RNGTT: variants seen among roughly 807,000 people sequenced by gnomAD.
RNGTT encodes the protein mRNA-capping enzyme.
Under a neutral mutation model 79.3 loss-of-function variants are expected in RNGTT, and 33 were observed. The ratio of observed to expected loss-of-function variants is 0.42; its 90% CI spans 0.32 to 0.56. The LOEUF is 0.56. RNGTT is among the 20% of genes least tolerant of loss of function. The pLI is 0.17. For missense variants in RNGTT, 497 were observed against 739.1 expected, an observed-to-expected ratio of 0.67 and a Z score of 3.80; for synonymous variants, 222 against 235.9, an observed-to-expected ratio of 0.94 and a Z score of 0.54.
rs536057060 is a variant in RNGTT at position 88,846,954 on chromosome 6, T to C, written c.1105-2433A>G. On this transcript the variant is annotated intron_variant, in intron 10 of 15. Coordinates refer to ENST00000369485, the MANE Select transcript of RNGTT (RefSeq NM_003800.5). ...CTTTTATATACCTTTGTTATGTTTA[T>C]GATTTTAAAGTTATAATTATTTCTT... is the stretch of plus-strand genomic sequence containing the variant. Among the ~76,000 whole-genome samples, 30 of 152,322 alleles carry C rather than the reference T, an allele frequency of 2.0e-4. 1 individual carries two copies. Among genetic ancestry groups the C allele is most frequent in the Admixed American group, 1.6e-3 (25 of 15,302 alleles).
chr6:88,963,528 A>G lies in RNGTT; in HGVS notation c.-119T>C, dbSNP rs964605777. 5.4e-6 allele frequency: 5 copies of G among 926,054 alleles called. No individual in the cohort carries two copies. The African/African-American group carries it at 6.9e-5, about 13-fold the overall frequency. 57.4% of individuals were successfully genotyped at this position (926,054 alleles called of 1,614,324 possible). On this transcript the variant is annotated 5_prime_UTR_variant, in exon 1 of 16. Coordinates refer to ENST00000369485, the MANE Select transcript of RNGTT (RefSeq NM_003800.5). ...ACACCCGAATCGCAGCCGTAATCTG[A>G]ATTCCAACCTCTCCGATCCGGGTAA...
At chr6:88,930,410 C>T (rs1784482216) in intron 2 of RNGTT, among the ~76,000 whole-genome samples, 1 of 151,790 alleles carries the variant, frequency 6.6e-6, no homozygotes, top group African/African-American at 2.4e-5. Context: ...TGGCTCACGC[C>T]TGTAATCTTG....
intron 8 of RNGTT, among the ~76,000 whole-genome samples, chr6:88,856,018 A>G (rs17503919): frequency 0.093 from 14,231 of 152,318 alleles, 829 homozygotes; most frequent in Middle Eastern, 0.16. Context: ...GGCATTTTGC[A>G]AAGCTGATAT....
intron 8 of RNGTT, among the ~76,000 whole-genome samples, chr6:88,880,549 T>C (rs1782664522): frequency 1.3e-5 from 2 of 152,114 alleles, no homozygotes; most frequent in South Asian, 4.1e-4. Flanking sequence ...TATGTAAAAA[T>C]TGCAACCATA....
rs116188609 is a variant in RNGTT at position 88,735,111 on chromosome 6, G to C, written c.1439+34663C>G. 8.8e-3 allele frequency among the ~76,000 whole-genome samples: 1,338 copies of C among 152,066 alleles called. 20 individuals carry two copies. Among genetic ancestry groups the C allele is most frequent in the African/African-American group, 0.03 (1,255 of 41,508 alleles). On this transcript the variant is annotated intron_variant, in intron 13 of 15. Transcript: ENST00000369485. The stretch of plus-strand genomic sequence containing the variant: ...GTGGAGTATTACTTAATGATAAACG[G>C]GTCAATTCTCCAAGAAGACATAACA...
At chr6:88,724,210 A>T (rs564374198) in intron 13 of RNGTT, among the ~76,000 whole-genome samples, 108 of 152,280 alleles carry the variant, frequency 7.1e-4, no homozygotes, top group Middle Eastern at 3.4e-3. Context: ...GTATGTAGTA[A>T]TGTCATAGGC....
chr6:88,703,997 C>A (rs766061522), intron 13 of RNGTT, among the ~76,000 whole-genome samples: 2 of 152,180 alleles, frequency 1.3e-5, no homozygotes, highest in East Asian at 3.9e-4. Context: ...CGGTGGCTCA[C>A]GCCTGTAATC....
At chr6:88,783,468 A>C (rs1280537087) in intron 12 of RNGTT, among the ~76,000 whole-genome samples, 2 of 152,154 alleles carry the variant, frequency 1.3e-5, no homozygotes, top group African/African-American at 4.8e-5. Context: ...AATTAGCTGG[A>C]ATGTAGTGAT....
intron 14 of RNGTT, among the ~76,000 whole-genome samples, chr6:88,655,646 C>T (rs568343117): frequency 6.6e-6 from 1 of 152,268 alleles, no homozygotes; most frequent in East Asian, 1.9e-4. Context: ...TCCTTACTTT[C>T]CACATATGGT....
At chr6:88,930,388 G>A (rs1784481606) in intron 2 of RNGTT, among the ~76,000 whole-genome samples, 1 of 151,872 alleles carries the variant, frequency 6.6e-6, no homozygotes, top group Non-Finnish European at 1.5e-5. Flanking sequence ...CGGGAAATTT[G>A]GCCAGACACA....
At chr6:88,741,232 T>C (rs1582405425) in intron 13 of RNGTT, among the ~76,000 whole-genome samples, 1 of 152,074 alleles carries the variant, frequency 6.6e-6, no homozygotes, top group African/African-American at 2.4e-5. Flanking sequence ...AAAGAAAATG[T>C]GGTACACATA....
At chr6:88,748,079 A>T (rs1358641588) in intron 13 of RNGTT, among the ~76,000 whole-genome samples, 1 of 152,176 alleles carries the variant, frequency 6.6e-6, no homozygotes, top group African/African-American at 2.4e-5. Context: ...TACTAATGTT[A>T]CCATCCTAGT....
intron 13 of RNGTT, 32 bp from the exon 14 acceptor site, chr6:88,678,451 T>C: frequency 4.5e-6 from 6 of 1,324,940 alleles, no homozygotes; most frequent in Non-Finnish European, 5.9e-6. Context: ...ATTTATAAAA[T>C]ACTCCTTCTT....
chr6:88,761,189 T>C (rs1466114110), intron 13 of RNGTT, among the ~76,000 whole-genome samples: 1 of 152,016 alleles, frequency 6.6e-6, no homozygotes, highest in Non-Finnish European at 1.5e-5. Flanking sequence ...CTTACCTGGT[T>C]AACAAACCAG....
At chr6:88,934,666 G>C (rs1198622563) in intron 2 of RNGTT, among the ~76,000 whole-genome samples, 1 of 151,980 alleles carries the variant, frequency 6.6e-6, no homozygotes, top group Non-Finnish European at 1.5e-5. Flanking sequence ...TTTTGAAACA[G>C]AGTCTCACTC....
chr6:88,781,132 C>T (rs1201024225), intron 12 of RNGTT, among the ~76,000 whole-genome samples: 2 of 152,266 alleles, frequency 1.3e-5, no homozygotes, highest in South Asian at 4.2e-4. Flanking sequence ...GCATTAGTAA[C>T]GGCAAAGGAG....
intron 8 of RNGTT, among the ~76,000 whole-genome samples, chr6:88,874,407 A>C (rs1474025730): frequency 6.6e-6 from 1 of 152,130 alleles, no homozygotes; most frequent in Admixed American, 6.5e-5. Flanking sequence ...AAAAGATCAA[A>C]AGAATTTTCC....
intron 11 of RNGTT, among the ~76,000 whole-genome samples, chr6:88,842,774 T>C (rs1416068134): frequency 6.6e-6 from 1 of 152,000 alleles, no homozygotes; most frequent in African/African-American, 2.4e-5. Context: ...TTTAACTACA[T>C]AAAAATGAAC....
At chr6:88,878,198 C>T (rs146960731) in intron 8 of RNGTT, among the ~76,000 whole-genome samples, 3,067 of 152,000 alleles carry the variant, frequency 0.02, 106 homozygotes, top group African/African-American at 0.068. Flanking sequence ...CGGGTCCAAA[C>T]GTTTCTCGTG....
Sources: gnomAD v4.1 joint callset for allele counts (sites outside exome capture counted in the v4.1 genomes callset) on GRCh38, gnomAD v4.1.1 for gene constraint, MANE v1.5 for transcripts, NCBI Gene and HGNC (gene_info 2026-07-23, HGNC 2026-07-21) for gene names.